ZNF804B: variants seen among roughly 807,000 people sequenced by gnomAD.
ZNF804B encodes zinc finger protein 804B, also known as zinc finger 804B.
Under a neutral mutation model 101.4 loss-of-function variants are expected in ZNF804B, and 80 were observed. The observed-to-expected ratio is 0.79, with a 90% CI of 0.66 to 0.95. The LOEUF is 0.95. ZNF804B is among the 40% of genes least tolerant of loss of function. ZNF804B has a pLI of 0.00. For missense variants in ZNF804B, 1,673 were observed against 1,561.9 expected, an observed-to-expected ratio of 1.07 and a Z score of -1.20; for synonymous variants, 622 against 558.8, an observed-to-expected ratio of 1.11 and a Z score of -1.59.
At chr7:89,145,667 T>C (rs1790780207) in intron 1 of ZNF804B, among the ~76,000 whole-genome samples, 1 of 152,036 alleles carries the variant, frequency 6.6e-6, no homozygotes, top group Admixed American at 6.6e-5. Flanking sequence ...ATTCATTGAC[T>C]AATTCCACAA....
At chr7:89,134,858 T>A (rs1790606075) in intron 1 of ZNF804B, among the ~76,000 whole-genome samples, 1 of 152,094 alleles carries the variant, frequency 6.6e-6, no homozygotes, top group African/African-American at 2.4e-5. Flanking sequence ...GAAAATGTTT[T>A]TGAGCTACTA....
intron 1 of ZNF804B, among the ~76,000 whole-genome samples, chr7:89,019,906 T>C (rs1265768617): frequency 1.3e-5 from 2 of 152,078 alleles, no homozygotes; most frequent in East Asian, 1.9e-4. Flanking sequence ...ATTCAGCCAG[T>C]GGATATTTTT....
At chr7:89,280,001 G>C (rs1003405070) in intron 2 of ZNF804B, among the ~76,000 whole-genome samples, 56 of 151,832 alleles carry the variant, frequency 3.7e-4, no homozygotes, top group Admixed American at 3.0e-3. Context: ...TGACCACATA[G>C]TTGGAAGTAA....
intron 2 of ZNF804B, among the ~76,000 whole-genome samples, chr7:89,244,839 A>G (rs1353462876): frequency 2.0e-5 from 3 of 152,184 alleles, no homozygotes; most frequent in Admixed American, 6.5e-5. Flanking sequence ...TGAAAAAACA[A>G]TCAATCTGAG....
Position 89,018,111 on chromosome 7 carries a change from C to T in ZNF804B, c.109-200044C>T, listed in dbSNP as rs1030948121. Among the ~76,000 whole-genome samples the T allele has an allele frequency of 2.6e-5, 4 of 152,158 alleles. No homozygotes were observed. In the South Asian group the frequency reaches 8.3e-4, roughly 32 times the overall value. On this transcript the variant is annotated intron_variant, in intron 1 of 3. Transcript: ENST00000333190. ...CATGTTCGATATATTAGAGGACAGG[C>T]TTTCCGTTTTTCCCTATACAGTATG...
At chr7:89,014,439 C>T (rs1788509804) in intron 1 of ZNF804B, among the ~76,000 whole-genome samples, 1 of 152,076 alleles carries the variant, frequency 6.6e-6, no homozygotes, top group African/African-American at 2.4e-5. Context: ...GCCTCAGCCT[C>T]CCGAGTTGCT....
chr7:89,045,531 G>A (rs1260398188), intron 1 of ZNF804B, among the ~76,000 whole-genome samples: 1 of 152,200 alleles, frequency 6.6e-6, no homozygotes, highest in Non-Finnish European at 1.5e-5. Context: ...AAGCCACAGG[G>A]GTGGAGCTTC....
chr7:89,324,199 A>C (rs1244626262), intron 2 of ZNF804B, among the ~76,000 whole-genome samples: 1 of 151,400 alleles, frequency 6.6e-6, no homozygotes, highest in African/African-American at 2.5e-5. Flanking sequence ...AATATTCTAT[A>C]ATAATTGTCC....
intron 1 of ZNF804B, among the ~76,000 whole-genome samples, chr7:89,059,474 A>T (rs1359665181): frequency 6.6e-6 from 1 of 151,960 alleles, no homozygotes; most frequent in East Asian, 1.9e-4. Flanking sequence ...TAGACTCTTA[A>T]ACAACCAGAT....
intron 1 of ZNF804B, among the ~76,000 whole-genome samples, chr7:89,017,611 G>A (rs1336233749): frequency 2.6e-5 from 4 of 152,072 alleles, no homozygotes; most frequent in Non-Finnish European, 5.9e-5. Flanking sequence ...GCTTTGGATA[G>A]TATGGCCATT....
intron 1 of ZNF804B, among the ~76,000 whole-genome samples, chr7:88,937,175 G>C (rs1354844811): frequency 7.2e-6 from 1 of 139,432 alleles, no homozygotes; most frequent in African/African-American, 2.7e-5. Flanking sequence ...CAGAAAGAAA[G>C]ATTTCCCAGG....
At chr7:88,907,821 C>G (rs1296018382) in intron 1 of ZNF804B, among the ~76,000 whole-genome samples, 1 of 151,970 alleles carries the variant, frequency 6.6e-6, no homozygotes, top group Non-Finnish European at 1.5e-5. Context: ...ATTTTAATCA[C>G]CTACTAAATA....
At chr7:88,857,309 T>C (rs1791576519) in intron 1 of ZNF804B, among the ~76,000 whole-genome samples, 1 of 151,938 alleles carries the variant, frequency 6.6e-6, no homozygotes, top group Non-Finnish European at 1.5e-5. Flanking sequence ...CTCCAAAAAA[T>C]CAATGAATCC....
At chr7:88,852,090 G>A (rs1450897610) in intron 1 of ZNF804B, among the ~76,000 whole-genome samples, 1 of 152,018 alleles carries the variant, frequency 6.6e-6, no homozygotes, top group Non-Finnish European at 1.5e-5. Context: ...GAAAAGATAA[G>A]TTTTTAAAAC....
rs118164810 is a variant in ZNF804B, at chr7:88,898,671, A to G, written c.108+138587A>G. On this transcript the variant is annotated intron_variant, in intron 1 of 3. Coordinates refer to ENST00000333190, the MANE Select transcript of ZNF804B (RefSeq NM_181646.5). ...CATCTCAGTCTTTACCTTCCCCTTG[A>G]TATTGTCGAAGATAATTTTCTTCAA... Among the ~76,000 whole-genome samples, 1,317 of 152,162 alleles carry G rather than the reference A, an allele frequency of 8.7e-3. 12 individuals are homozygous for G. Among genetic ancestry groups the G allele is most frequent in the Admixed American group, 0.014 (209 of 15,284 alleles).
chr7:89,118,376 A>G (rs914714431), intron 1 of ZNF804B, among the ~76,000 whole-genome samples: 2 of 152,172 alleles, frequency 1.3e-5, no homozygotes, highest in South Asian at 2.1e-4. Flanking sequence ...TAATCTCCAT[A>G]GTTTCTAGGC....
chr7:88,990,381 T>A (rs1793828129), intron 1 of ZNF804B, among the ~76,000 whole-genome samples: 1 of 152,124 alleles, frequency 6.6e-6, no homozygotes, highest in South Asian at 2.1e-4. Context: ...TACACACACA[T>A]ACTTTCTCTC....
intron 1 of ZNF804B, among the ~76,000 whole-genome samples, chr7:89,111,825 A>G (rs1443555950): frequency 6.6e-6 from 1 of 152,162 alleles, no homozygotes; most frequent in African/African-American, 2.4e-5. Flanking sequence ...ATAAAATTGT[A>G]TTCTTAAAAT....
intron 1 of ZNF804B, among the ~76,000 whole-genome samples, chr7:89,169,066 G>A (rs540357900): frequency 2.6e-5 from 4 of 152,238 alleles, no homozygotes; most frequent in Non-Finnish European, 4.4e-5. Context: ...CAATCAGGAC[G>A]AACCCGGGCA....
Sources: gnomAD v4.1 joint callset for allele counts (sites outside exome capture counted in the v4.1 genomes callset) on GRCh38, gnomAD v4.1.1 for gene constraint, MANE v1.5 for transcripts, NCBI Gene and HGNC (gene_info 2026-07-23, HGNC 2026-07-21) for gene names.